The following CTNNA2 variants were observed in gnomAD, a reference collection of about 807,000 sequenced individuals.
CTNNA2 encodes the protein catenin alpha 2.
Under a neutral mutation model 101.0 loss-of-function variants are expected in CTNNA2, and 42 were observed. That is an observed-to-expected ratio of 0.42 (90% CI 0.32 to 0.54). The LOEUF (loss-of-function observed/expected upper bound fraction) is 0.54, where lower values mean the gene tolerates loss of function less well. Ranked by LOEUF, CTNNA2 falls within the 20% of genes least tolerant of loss-of-function variation. The pLI is 0.14. For missense variants in CTNNA2, 871 were observed against 1,223.1 expected (o/e 0.71, Z 4.29); for synonymous variants, 450 against 456.4 (o/e 0.99, Z 0.18).
At chr2:80,522,511 C>T (rs183428197) in intron 9 of CTNNA2, among the ~76,000 whole-genome samples, 3 of 152,274 alleles carry the variant, frequency 2.0e-5, no homozygotes, top group South Asian at 2.1e-4. Context: ...TTAAAGGTGA[C>T]GGGACTTTAA....
intron 8 of CTNNA2, among the ~76,000 whole-genome samples, chr2:80,396,131 A>G (rs956416895): frequency 2.6e-5 from 4 of 152,212 alleles, no homozygotes; most frequent in Admixed American, 6.5e-5. Context: ...TTGAATATAA[A>G]GGATTTTGGT....
chr2:79,267,203 AG>A (rs1197475499), intron 2 of CTNNA2, among the ~76,000 whole-genome samples: 1 of 152,144 alleles, frequency 6.6e-6, no homozygotes, highest in African/African-American at 2.4e-5. Context: ...GAGAAGTCTA[AG>A]GAAAAGACTT....
chr2:80,592,355 C>T (rs1573389025), intron 15 of CTNNA2, among the ~76,000 whole-genome samples: 1 of 152,168 alleles, frequency 6.6e-6, no homozygotes, highest in East Asian at 1.9e-4. Context: ...CATCCAGCTT[C>T]CTTTGCACCA....
At chr2:79,500,424 A>G (rs1295915815) in intron 4 of CTNNA2, among the ~76,000 whole-genome samples, 1 of 152,340 alleles carries the variant, frequency 6.6e-6, no homozygotes. Context: ...TCAAACTTTT[A>G]TATTCACCTG....
At chr2:80,440,306 C>T (rs1682447027) in intron 9 of CTNNA2, among the ~76,000 whole-genome samples, 1 of 152,018 alleles carries the variant, frequency 6.6e-6, no homozygotes, top group African/African-American at 2.4e-5. Context: ...GGACATTGGC[C>T]TGGACTTCTA....
intron 18 of CTNNA2, among the ~76,000 whole-genome samples, chr2:80,636,665 GGTCCTTGAAGTGGTC>G (rs1672916229): frequency 6.6e-6 from 1 of 152,042 alleles, no homozygotes; most frequent in African/African-American, 2.4e-5. Flanking sequence ...GGGAATTTAA[GGTCCTTGAAGTGGTC>G]GTATAAAATA....
intron 2 of CTNNA2, among the ~76,000 whole-genome samples, chr2:79,228,711 C>CTGTTGA (rs1298177884): frequency 6.6e-6 from 1 of 150,886 alleles, no homozygotes; most frequent in Non-Finnish European, 1.5e-5. Flanking sequence ...TCTGTTTACT[C>CTGTTGA]TGTTGATGCT....
At chr2:79,238,182 C>T (rs1167535244) in intron 2 of CTNNA2, among the ~76,000 whole-genome samples, 2 of 152,016 alleles carry the variant, frequency 1.3e-5, no homozygotes, top group Admixed American at 6.6e-5. Context: ...ATTAATTGGC[C>T]TAATTTCAAT....
At chr2:79,573,696 A>C (rs1401084797) in intron 1 of CTNNA2, 1 of 152,206 alleles carries the variant, frequency 6.6e-6, no homozygotes, top group Non-Finnish European at 1.5e-5. Flanking sequence ...AATAATAATA[A>C]ATATTTTGTG....
intron 7 of CTNNA2, among the ~76,000 whole-genome samples, chr2:80,288,135 G>A (rs1277608368): frequency 2.0e-5 from 3 of 152,026 alleles, no homozygotes; most frequent in African/African-American, 7.2e-5. Flanking sequence ...TCCAAGTGGG[G>A]GACATTCAAC....
chr2:79,586,142 CT>C (rs1676471886), intron 1 of CTNNA2, among the ~76,000 whole-genome samples: 1 of 152,154 alleles, frequency 6.6e-6, no homozygotes, highest in African/African-American at 2.4e-5. Flanking sequence ...TCCTTTCTCT[CT>C]GCTGTCTGCA....
At chr2:79,948,275 G>A (rs2861961) in intron 7 of CTNNA2, among the ~76,000 whole-genome samples, 16,634 of 152,162 alleles carry the variant, frequency 0.11, 1,190 homozygotes, top group East Asian at 0.27. Flanking sequence ...GTTGCCGGCT[G>A]GTATATCTCA....
rs571250459 is a variant in CTNNA2, at chr2:79,365,884, C to T, written c.-317-7947C>T. On this transcript the variant is annotated intron_variant, in intron 3 of 21. Coordinates refer to the CTNNA2 transcript ENST00000466387. ...TCTGTAACGGTCACTGTAACTCACA[C>T]CTTGATTTTTACCAGGTCGCTGGCA... Among the ~76,000 whole-genome samples the T allele has an allele frequency of 3.6e-4, 55 of 152,236 alleles. No homozygotes were observed. The South Asian group carries it at 0.011, about 30-fold the overall frequency.
intron 7 of CTNNA2, among the ~76,000 whole-genome samples, chr2:80,028,805 G>A (rs1479238671): frequency 6.6e-6 from 1 of 152,220 alleles, no homozygotes; most frequent in African/African-American, 2.4e-5. Flanking sequence ...AAGGGCCAGG[G>A]AATGCAGATG....
intron 2 of CTNNA2, among the ~76,000 whole-genome samples, chr2:79,688,766 T>C (rs933173008): frequency 1.3e-5 from 2 of 152,070 alleles, no homozygotes; most frequent in African/African-American, 2.4e-5. Flanking sequence ...CTTCGGGCAG[T>C]TTCACTGATC....
intron 3 of CTNNA2, among the ~76,000 whole-genome samples, chr2:79,319,237 G>A (rs138412438): frequency 3.3e-5 from 5 of 152,246 alleles, no homozygotes; most frequent in African/African-American, 1.2e-4. Context: ...CAGACTTCTT[G>A]CACCTGTTGC....
At chr2:79,942,270 C>A (rs1238057704) in intron 7 of CTNNA2, among the ~76,000 whole-genome samples, 1 of 152,122 alleles carries the variant, frequency 6.6e-6, no homozygotes, top group Non-Finnish European at 1.5e-5. Flanking sequence ...GACCAGGAAG[C>A]CGAGAACCAG....
At chr2:80,346,554 C>T (rs905969206) in intron 7 of CTNNA2, among the ~76,000 whole-genome samples, 2 of 152,154 alleles carry the variant, frequency 1.3e-5, no homozygotes, top group African/African-American at 4.8e-5. Flanking sequence ...GGGGTGGGGA[C>T]AAATATCCAA....
chr2:79,574,420 C>T (rs1452821581), intron 1 of CTNNA2, among the ~76,000 whole-genome samples: 1 of 152,024 alleles, frequency 6.6e-6, no homozygotes, highest in East Asian at 1.9e-4. Flanking sequence ...TCTTTGTGTC[C>T]ATGTGTATTC....
Sources: gnomAD v4.1 joint callset for allele counts (sites outside exome capture counted in the v4.1 genomes callset) on GRCh38, gnomAD v4.1.1 for gene constraint, MANE v1.5 for transcripts, NCBI Gene and HGNC (gene_info 2026-07-23, HGNC 2026-07-21) for gene names.